RBFOX1: variants seen among roughly 807,000 people sequenced by gnomAD.
The protein encoded by RBFOX1 is RNA binding protein fox-1 homolog 1.
Under a neutral mutation model 57.7 loss-of-function variants are expected in RBFOX1, and 8 were observed. That is an observed-to-expected ratio of 0.14 (90% CI 0.08 to 0.25). The LOEUF (loss-of-function observed/expected upper bound fraction) is 0.25, where lower values mean the gene tolerates loss of function less well. Ranked by LOEUF, RBFOX1 falls within the 10% of genes least tolerant of loss-of-function variation. RBFOX1 has a pLI of 1.00. For missense variants in RBFOX1, 611 were observed against 548.5 expected (o/e 1.11, Z -1.14); for synonymous variants, 326 against 222.4 (o/e 1.47, Z -4.15).
intron 4 of RBFOX1, among the ~76,000 whole-genome samples, chr16:5,970,190 C>A (rs1358632276): frequency 2.0e-5 from 3 of 152,092 alleles, no homozygotes; most frequent in Non-Finnish European, 2.9e-5. Flanking sequence ...GATGGTTGGT[C>A]TCTGTCCACT....
At chr16:5,299,112 G>T (rs1386379117) in intron 1 of RBFOX1, among the ~76,000 whole-genome samples, 1 of 150,290 alleles carries the variant, frequency 6.7e-6, no homozygotes, top group Non-Finnish European at 1.5e-5. Flanking sequence ...GGCAACCACT[G>T]TTCTAACAAT....
chr16:5,744,774 T>C (rs1276010304), intron 3 of RBFOX1, among the ~76,000 whole-genome samples: 2 of 152,234 alleles, frequency 1.3e-5, no homozygotes, highest in African/African-American at 2.4e-5. Flanking sequence ...TTTTTCTTTT[T>C]TGAGACAGAG....
intron 4 of RBFOX1, among the ~76,000 whole-genome samples, chr16:7,179,395 C>G (rs1018287730): frequency 6.6e-6 from 1 of 152,150 alleles, no homozygotes; most frequent in Non-Finnish European, 1.5e-5. Context: ...ATAATTTTCT[C>G]TGCCTTCCAT....
At chr16:5,455,005 TTCTTTCTTTCTTTCTTTCTC>T (rs2068581604) in intron 1 of RBFOX1, among the ~76,000 whole-genome samples, 1 of 112,988 alleles carries the variant, frequency 8.9e-6, no homozygotes, top group Non-Finnish European at 1.9e-5. Context: ...CTTTCTTTCT[TTCTTTCTTTCTTTCTTTCTC>T]TCTCTCTGTC....
intron 3 of RBFOX1, among the ~76,000 whole-genome samples, chr16:5,738,236 A>G (rs1225848706): frequency 2.0e-5 from 3 of 152,164 alleles, no homozygotes; most frequent in Admixed American, 6.5e-5. Flanking sequence ...GAGAATGTGT[A>G]ATGATCAAGG....
At chr16:7,421,464 G>A (rs2149366340) in intron 4 of RBFOX1, among the ~76,000 whole-genome samples, 1 of 152,358 alleles carries the variant, frequency 6.6e-6, no homozygotes, top group Non-Finnish European at 1.5e-5. Flanking sequence ...CAGCCTGAAT[G>A]TTTGGTGAGA....
intron 3 of RBFOX1, among the ~76,000 whole-genome samples, chr16:5,742,548 G>A (rs1411836934): frequency 6.6e-6 from 1 of 152,134 alleles, no homozygotes; most frequent in Non-Finnish European, 1.5e-5. Flanking sequence ...GCATCCTCCG[G>A]TGCCATAAGA....
chr16:7,108,236 C>G (rs2063964543), intron 4 of RBFOX1, among the ~76,000 whole-genome samples: 1 of 152,098 alleles, frequency 6.6e-6, no homozygotes, highest in Non-Finnish European at 1.5e-5. Context: ...ATCAGAAGCA[C>G]TGGGGAGAAG....
At chr16:7,457,025 T>C (rs2058664083) in intron 4 of RBFOX1, among the ~76,000 whole-genome samples, 1 of 152,038 alleles carries the variant, frequency 6.6e-6, no homozygotes, top group African/African-American at 2.4e-5. Flanking sequence ...GTAGCTGGGA[T>C]TGCAGGCACG....
intron 11 of RBFOX1, among the ~76,000 whole-genome samples, chr16:7,642,441 C>T (rs1405058921): frequency 1.3e-5 from 2 of 152,162 alleles, no homozygotes; most frequent in African/African-American, 4.8e-5. Flanking sequence ...GCGTACCCAT[C>T]TTGTGAGCCA....
chr16:7,084,979 C>T (rs1241043251), intron 4 of RBFOX1, among the ~76,000 whole-genome samples: 3 of 148,874 alleles, frequency 2.0e-5, no homozygotes, highest in Admixed American at 6.7e-5. Context: ...TCTGTCTGTC[C>T]ATCCGTCCAT....
intron 3 of RBFOX1, among the ~76,000 whole-genome samples, chr16:6,776,693 CCCCCATG>C (rs1332200679): frequency 1.3e-5 from 2 of 152,144 alleles, no homozygotes. Context: ...GTTATAAGCT[CCCCCATG>C]CCTGCCAGGA....
At chr16:5,375,813 A>T (rs942623710) in intron 1 of RBFOX1, among the ~76,000 whole-genome samples, 2 of 152,182 alleles carry the variant, frequency 1.3e-5, no homozygotes, top group African/African-American at 4.8e-5. Flanking sequence ...TACTGTTGTT[A>T]AACTAACTAA....
chr16:7,398,080 G>C (rs2098172085), intron 4 of RBFOX1, among the ~76,000 whole-genome samples: 1 of 151,990 alleles, frequency 6.6e-6, no homozygotes, highest in African/African-American at 2.4e-5. Context: ...TCTATTTCCT[G>C]GGTTGTTCAT....
chr16:6,869,052 T>G (rs779048111), intron 3 of RBFOX1, among the ~76,000 whole-genome samples: 1 of 152,182 alleles, frequency 6.6e-6, no homozygotes, highest in South Asian at 2.1e-4. Flanking sequence ...ATGGTACGAA[T>G]GAGAAATAAA....
intron 4 of RBFOX1, among the ~76,000 whole-genome samples, chr16:7,400,028 A>T (rs551139835): frequency 6.6e-6 from 1 of 152,186 alleles, no homozygotes. Flanking sequence ...GGTAGGGATT[A>T]TGGCCTTCTC....
In RBFOX1 at chr16:6,780,854, G is replaced by C. The variant is rs747605276; in HGVS notation, c.-16+126204G>C. On this transcript the variant is annotated intron_variant, in intron 3 of 15. Coordinates refer to ENST00000550418, the MANE Select transcript of RBFOX1 (RefSeq NM_018723.4). ...TTTGGATTATTTGGGTTGGGGTTTT[G>C]TACCAAGTTGTTTGAGCTCCTCACA... Among the ~76,000 whole-genome samples, 8 of 151,972 alleles carry C rather than the reference G, an allele frequency of 5.3e-5. No homozygotes were observed. In the East Asian group the frequency reaches 9.7e-4, roughly 18 times the overall value.
intron 2 of RBFOX1, among the ~76,000 whole-genome samples, chr16:5,479,543 G>C (rs2069449086): frequency 6.6e-6 from 1 of 152,136 alleles, no homozygotes; most frequent in African/African-American, 2.4e-5. Flanking sequence ...TGGATGACCT[G>C]AGGTCAGGAG....
chr16:5,676,057 C>A (rs544433964), intron 3 of RBFOX1, among the ~76,000 whole-genome samples: 1 of 151,926 alleles, frequency 6.6e-6, no homozygotes, highest in Non-Finnish European at 1.5e-5. Context: ...ACATGGTGAT[C>A]GGGAGGGAAC....
Sources: allele counts gnomAD v4.1 joint callset (sites outside exome capture counted in the v4.1 genomes callset), GRCh38; gene constraint gnomAD v4.1.1; transcripts MANE v1.5; gene names NCBI Gene and HGNC (gene_info 2026-07-23, HGNC 2026-07-21).